The following HIF3A variants were observed in gnomAD, a reference collection of about 807,000 sequenced individuals.
HIF3A encodes the protein hypoxia-inducible factor 3-alpha.
HIF3A carries 41 observed loss-of-function variants against 67.2 expected under a neutral mutation model. The ratio of observed to expected loss-of-function variants is 0.61; its 90% CI spans 0.48 to 0.79. The LOEUF (loss-of-function observed/expected upper bound fraction) is 0.79, where lower values mean the gene tolerates loss of function less well. Ranked by LOEUF, HIF3A falls within the 30% of genes least tolerant of loss-of-function variation. The pLI, the probability that HIF3A is intolerant of heterozygous loss-of-function variation, is 0.00. For synonymous variants in HIF3A, 356 were observed against 374.8 expected, an observed-to-expected ratio of 0.95 and a Z score of 0.58; for missense variants, 855 against 898.0, an observed-to-expected ratio of 0.95 and a Z score of 0.61.
intron 5 of HIF3A, 149 bp from the exon 6 acceptor site, chr19:46,309,002 G>GCC: frequency 1.4e-6 from 1 of 725,914 alleles, no homozygotes; most frequent in South Asian, 1.9e-5. Context: ...TGGGCCTGGG[G>GCC]CTGGGGATCC....
At chr19:46,310,815 ATCTT>A (rs1256345933) in intron 6 of HIF3A, 1 of 265,370 alleles carries the variant, frequency 3.8e-6, no homozygotes, top group African/African-American at 2.3e-5. Context: ...CAGTGGCAGG[ATCTT>A]GGCCCACTGC....
At chr19:46,322,447 T>C (rs1482475914) in intron 10 of HIF3A, among the ~76,000 whole-genome samples, 1 of 152,110 alleles carries the variant, frequency 6.6e-6, no homozygotes, top group Non-Finnish European at 1.5e-5. Flanking sequence ...TTTATTTTTA[T>C]TTTTATTTTC....
rs138333590 is a variant in HIF3A at position 46,298,205 on chromosome 19, A to AC, written c.26+1105dup. ...GATCCATGCACACCCCATGTTTCTA[A>AC]CCGCCCCCATCCTCTCCCCTGTCCC... is the stretch of plus-strand genomic sequence containing the variant. On this transcript the variant is annotated intron_variant, in intron 1 of 14. Coordinates refer to ENST00000377670, the MANE Select transcript of HIF3A (RefSeq NM_152795.4). 4.8e-3 allele frequency: 1,447 copies of AC among 303,346 alleles called. 34 individuals carry two copies. Among genetic ancestry groups the AC allele is most frequent in the African/African-American group, 0.025 (1,021 of 41,134 alleles). 18.8% of individuals were successfully genotyped at this position (303,346 alleles called of 1,614,324 possible).
chr19:46,297,949 TGGGGTCATCCC>T lies in HIF3A; in HGVS notation c.26+851_26+861del, dbSNP rs1279941280. Among the ~76,000 whole-genome samples the T allele has an allele frequency of 6.6e-6, 1 of 152,078 alleles. No individual in the cohort carries two copies. Among genetic ancestry groups the T allele is most frequent in the Non-Finnish European group, 1.5e-5 (1 of 67,996 alleles). Reference sequence around the variant, plus strand: ...AACGCCCCCTGCCGCAGTACTCAGATGGGGTCATCCCGGGCAGAGGGTGGGTTTCTGGGTTC... The same window carrying T: ...AACGCCCCCTGCCGCAGTACTCAGATGGGCAGAGGGTGGGTTTCTGGGTTC... On this transcript the variant is annotated intron_variant, in intron 1 of 14. Coordinates refer to ENST00000377670, the MANE Select transcript of HIF3A (RefSeq NM_152795.4). The surrounding 1 kb of genome is among the most constrained non-coding windows in gnomAD (Gnocchi z 4.5).
intron 6 of HIF3A, chr19:46,310,572 G>A (rs1969340708): frequency 2.2e-6 from 1 of 455,674 alleles, no homozygotes; most frequent in African/African-American, 2.0e-5. Flanking sequence ...GCCTGCTTGA[G>A]TGTCAGTCTT....
At chr19:46,318,104 G>A (rs2147210920) in intron 8 of HIF3A, among the ~76,000 whole-genome samples, 1 of 152,194 alleles carries the variant, frequency 6.6e-6, no homozygotes, top group South Asian at 2.1e-4. Context: ...CCAAAGTGCT[G>A]GGATTACAGG....
intron 1 of HIF3A, among the ~76,000 whole-genome samples, chr19:46,298,870 C>G (rs567968775): frequency 3.3e-5 from 5 of 150,100 alleles, no homozygotes; most frequent in Admixed American, 2.0e-4. Context: ...ACCAAATCCT[C>G]TGTGCTTTTC....
chr19:46,332,853 A>G (rs1971335121), intron 13 of HIF3A, among the ~76,000 whole-genome samples: 1 of 151,766 alleles, frequency 6.6e-6, no homozygotes, highest in Admixed American at 6.6e-5. Context: ...GTGTAGGTGC[A>G]CACCTATAGT....
Position 46,309,355 on chromosome 19 carries a change from G to A in HIF3A, c.766G>A (p.Asp256Asn), listed in dbSNP as rs772417048. Reference protein sequence around the residue: ...SLDMKFTYCDDRIAEVAGYSP... With the variant: ...SLDMKFTYCDNRIAEVAGYSP... ...GGACATGAAGTTCACCTACTGTGACGACAGGTGGGCAGGGGCCCCCTCTTC... is the reference window on the plus strand; with the variant it reads ...GGACATGAAGTTCACCTACTGTGACAACAGGTGGGCAGGGGCCCCCTCTTC... The change falls in exon 6 of 15, where the codon GAC (aspartate) becomes AAC (asparagine). Residue 256 changes from aspartate to asparagine, a missense_variant. This residue lies in a region of HIF3A where 638 missense variants were observed against 660.5 expected (regional missense o/e 0.97). Coordinates refer to ENST00000377670, the MANE Select transcript of HIF3A (RefSeq NM_152795.4). 2.5e-6 allele frequency: 4 copies of A among 1,602,586 alleles called. No individual in the cohort carries two copies. Among genetic ancestry groups the A allele is most frequent in the East Asian group, 2.2e-5 (1 of 44,534 alleles).
At chr19:46,298,052 G>C (rs1264889245) in intron 1 of HIF3A, among the ~76,000 whole-genome samples, 1 of 152,064 alleles carries the variant, frequency 6.6e-6, no homozygotes, top group Non-Finnish European at 1.5e-5. Context: ...GCTGCCGGGG[G>C]GTTTTATCTG....
rs1048842753 is a variant in HIF3A at position 46,308,536 on chromosome 19, C to T, written c.449-127C>T. On this transcript the variant is annotated intron_variant, in intron 4 of 14. Coordinates refer to ENST00000377670, the MANE Select transcript of HIF3A (RefSeq NM_152795.4). ...GGGGACACATACTACCCCTGGGGGACCCTCTCTGGTTCCAGGTCCCAATTG... is the reference window on the plus strand; with the variant it reads ...GGGGACACATACTACCCCTGGGGGATCCTCTCTGGTTCCAGGTCCCAATTG... 1.1e-5 allele frequency: 7 copies of T among 657,014 alleles called. No homozygotes were observed. In the African/African-American group the frequency reaches 1.1e-4, roughly 10 times the overall value. 40.7% of individuals were successfully genotyped at this position (657,014 alleles called of 1,614,324 possible).
chr19:46,303,190 T>C (rs1968489992), intron 1 of HIF3A, among the ~76,000 whole-genome samples: 3 of 152,172 alleles, frequency 2.0e-5, no homozygotes, highest in Admixed American at 6.5e-5. Context: ...AGTGACAAAA[T>C]AGTAAAAGCT....
intron 11 of HIF3A, among the ~76,000 whole-genome samples, chr19:46,327,081 G>C (rs905825224): frequency 3.9e-5 from 6 of 152,046 alleles, no homozygotes; most frequent in Non-Finnish European, 7.4e-5. Context: ...CTTGAACCAG[G>C]GAGGCAGAGG....
chr19:46,338,597 A>C, intron 14 of HIF3A: 4 of 957,374 alleles, frequency 4.2e-6, no homozygotes, highest in Admixed American at 4.9e-5. Flanking sequence ...CTGCTTTCTC[A>C]CCAGTACTAG....
In HIF3A at chr19:46,342,214, C is replaced by G. The variant is rs1477224877; in HGVS notation, c.*2592C>G. ...TTTCCAGCTCCTCCTCACTCAAGAT[C>G]TGACTCCAAATTACCCTGGGTCTAG... On this transcript the variant is annotated 3_prime_UTR_variant, in exon 15 of 15. Transcript: ENST00000377670. 1.3e-5 allele frequency: 2 copies of G among 152,174 alleles called. No individual in the cohort carries two copies. The highest frequency in any genetic ancestry group is 2.9e-5 in the Non-Finnish European group (2 of 68,038). 9.4% of individuals were successfully genotyped at this position (152,174 alleles called of 1,614,324 possible).
At position 46,339,809 on chromosome 19, in the gene HIF3A, T is replaced by C. The variant is rs1971870622; in HGVS notation, c.*187T>C. The C allele has an allele frequency of 2.3e-6, 1 of 437,486 alleles. No individual in the cohort carries two copies. 27.1% of individuals were successfully genotyped at this position (437,486 alleles called of 1,614,324 possible). On this transcript the variant is annotated 3_prime_UTR_variant, in exon 15 of 15. Transcript: ENST00000377670. Reference sequence around the variant, plus strand: ...GCCTGCTCCCAATCTGGGGGCTCTCTGGGGTGGTCTCAGCTCAGTGACCTC... The same window carrying C: ...GCCTGCTCCCAATCTGGGGGCTCTCCGGGGTGGTCTCAGCTCAGTGACCTC...
chr19:46,305,392 TGA>T lies in HIF3A; in HGVS notation c.363+6_363+7del. The T allele has an allele frequency of 6.2e-7, 1 of 1,613,600 alleles. No homozygotes were observed. The highest frequency in any genetic ancestry group is 1.1e-5 in the South Asian group (1 of 91,070). ...AGCAAACACCTGGGCCTCAGTCAGG[TGA>T]GAGGAGCTCCTTGCTCTGTGCCTGG... is the stretch of plus-strand genomic sequence containing the variant. On this transcript the variant is annotated splice_donor_region_variant and intron_variant, in intron 3 of 14. Transcript: ENST00000377670.
chr19:46,307,481 C>T (rs1248202505), intron 3 of HIF3A, among the ~76,000 whole-genome samples: 1 of 152,020 alleles, frequency 6.6e-6, no homozygotes, highest in Admixed American at 6.6e-5. Flanking sequence ...GATGCGGTGG[C>T]TCACACCTAT....
At position 46,309,137 on chromosome 19, in the gene HIF3A, A is replaced by G; in HGVS notation, c.562-14A>G. The G allele has an allele frequency of 1.2e-6, 2 of 1,607,210 alleles. No homozygotes were observed. The highest frequency in any genetic ancestry group is 2.2e-5 in the East Asian group (1 of 44,658). On this transcript the variant is annotated splice_polypyrimidine_tract_variant and intron_variant, in intron 5 of 14. Transcript: ENST00000377670. ...AGAGGCACCACTGCCTTGTCCCCTCATCTCGGCCCCCAGGTGCTGAACTGC... is the reference window on the plus strand; with the variant it reads ...AGAGGCACCACTGCCTTGTCCCCTCGTCTCGGCCCCCAGGTGCTGAACTGC...
Sources: allele counts gnomAD v4.1 joint callset (sites outside exome capture counted in the v4.1 genomes callset), GRCh38; gene constraint gnomAD v4.1.1; regional missense constraint gnomAD v4.1.1; non-coding constraint Gnocchi (gnomAD v3.1); transcripts MANE v1.5; gene names NCBI Gene and HGNC (gene_info 2026-07-23, HGNC 2026-07-21).